Variants in ULK4 observed in about 807,000 individuals in gnomAD.
ULK4 encodes inactive serine/threonine-protein kinase ULK4.
In ULK4, 133 loss-of-function variants were observed where a neutral mutation model predicts 160.6. That is an observed-to-expected ratio of 0.83 (90% confidence interval 0.72 to 0.96). The LOEUF is 0.96. ULK4 is among the 40% of genes least tolerant of loss of function. ULK4 has a pLI of 0.00. For synonymous variants in ULK4, 534 were observed against 539.8 expected, an observed-to-expected ratio of 0.99 and a Z score of 0.15; for missense variants, 1,580 against 1,499.5, an observed-to-expected ratio of 1.05 and a Z score of -0.89.
intron 35 of ULK4, among the ~76,000 whole-genome samples, chr3:41,361,139 C>A (rs1485232221): frequency 6.6e-6 from 1 of 151,970 alleles, no homozygotes; most frequent in Admixed American, 6.6e-5. Context: ...GGAGTTGGCC[C>A]CTCCAGTAAG....
chr3:41,456,655 G>A (rs1575247306), intron 33 of ULK4, among the ~76,000 whole-genome samples: 1 of 152,254 alleles, frequency 6.6e-6, no homozygotes, highest in South Asian at 2.1e-4. Flanking sequence ...TTAAAAAATG[G>A]TATGGATTAT....
At chr3:41,247,052 C>T (rs902415646) in intron 36 of ULK4, 60 bp from the exon 37 acceptor site, 9 of 1,541,528 alleles carry the variant, frequency 5.8e-6, no homozygotes, top group Admixed American at 1.8e-5. Context: ...AGTGCTCCCC[C>T]CTTTCAAAGG....
intron 35 of ULK4, among the ~76,000 whole-genome samples, chr3:41,290,961 C>A (rs552429801): frequency 5.9e-5 from 9 of 152,302 alleles, no homozygotes; most frequent in East Asian, 5.8e-4. Context: ...CAGGCAGTTG[C>A]CTGGGAATTA....
intron 34 of ULK4, among the ~76,000 whole-genome samples, chr3:41,411,273 A>G (rs1189244805): frequency 1.3e-5 from 2 of 152,026 alleles, no homozygotes; most frequent in Non-Finnish European, 2.9e-5. Flanking sequence ...GCCTCATTAT[A>G]CCTCCAGCAT....
chr3:41,724,450 C>T lies in ULK4; in HGVS notation c.2322-6589G>A, dbSNP rs916614436. Reference sequence around the variant, plus strand: ...TAAGAATTCCAGTTTTTCAGCCAGGCGCGGTGGCTCACATCTGTAATCCCA... The same window carrying T: ...TAAGAATTCCAGTTTTTCAGCCAGGTGCGGTGGCTCACATCTGTAATCCCA... On this transcript the variant is annotated intron_variant, in intron 22 of 36. Coordinates refer to ENST00000301831, the MANE Select transcript of ULK4 (RefSeq NM_017886.4). Among the ~76,000 whole-genome samples the T allele has an allele frequency of 3.9e-5, 6 of 152,166 alleles. No homozygotes were observed. The East Asian group carries it at 1.2e-3, about 29-fold the overall frequency.
chr3:41,809,403 C>T (rs985868335), intron 19 of ULK4, among the ~76,000 whole-genome samples: 13 of 151,804 alleles, frequency 8.6e-5, no homozygotes, highest in African/African-American at 2.2e-4. Context: ...TACCTTGAAG[C>T]GCTTAGAGGA....
At chr3:41,375,443 T>C (rs1388464343) in intron 35 of ULK4, among the ~76,000 whole-genome samples, 1 of 149,802 alleles carries the variant, frequency 6.7e-6, no homozygotes, top group Non-Finnish European at 1.5e-5. Context: ...TATAGACCAA[T>C]GGAACAGAAC....
intron 31 of ULK4, among the ~76,000 whole-genome samples, chr3:41,585,723 GAA>G (rs909065970): frequency 6.6e-6 from 1 of 152,084 alleles, no homozygotes; most frequent in Non-Finnish European, 1.5e-5. Flanking sequence ...TCAACAGAGA[GAA>G]AAGACAACCT....
chr3:41,938,816 G>A (rs957412143), intron 2 of ULK4, among the ~76,000 whole-genome samples: 11 of 152,188 alleles, frequency 7.2e-5, no homozygotes, highest in African/African-American at 2.7e-4. Context: ...ACCGTTATTG[G>A]TGAAACTGCT....
chr3:41,485,973 A>C (rs187372097), intron 32 of ULK4, among the ~76,000 whole-genome samples: 191 of 152,302 alleles, frequency 1.3e-3, no homozygotes, highest in African/African-American at 4.2e-3. Context: ...ACCTCCTTGC[A>C]CTTGATCTCC....
At chr3:41,944,394 C>T (rs1700052291) in intron 2 of ULK4, among the ~76,000 whole-genome samples, 1 of 152,164 alleles carries the variant, frequency 6.6e-6, no homozygotes, top group Admixed American at 6.5e-5. Context: ...GAGCTGAAAT[C>T]ATGCCACTGT....
intron 35 of ULK4, among the ~76,000 whole-genome samples, chr3:41,332,926 G>A (rs554880663): frequency 7.9e-5 from 12 of 152,216 alleles, no homozygotes; most frequent in South Asian, 2.1e-4. Flanking sequence ...CTGTTTCTGC[G>A]TTTAACCAAC....
Position 41,613,944 on chromosome 3 carries a change from C to A in ULK4, c.3120+1725G>T, listed in dbSNP as rs181253768. Among the ~76,000 whole-genome samples, 165 of 152,332 alleles carry A rather than the reference C, an allele frequency of 1.1e-3. 1 individual carries two copies. Among genetic ancestry groups the A allele is most frequent in the African/African-American group, 3.8e-3 (159 of 41,590 alleles). ...TCTGGAGGGTAGATGTCACCTTCTA[C>A]CCATTCCCTATGACAGCTATACCAC... is the stretch of plus-strand genomic sequence containing the variant. On this transcript the variant is annotated intron_variant, in intron 31 of 36. Transcript: ENST00000301831.
At chr3:41,754,219 G>T in intron 22 of ULK4, 142 bp downstream of exon 22, 1 of 924,298 alleles carries the variant, frequency 1.1e-6, no homozygotes, top group Non-Finnish European at 1.6e-6. Context: ...TCCAAGCTGA[G>T]ATTACAGGTG....
At chr3:41,779,675 A>G (rs1237481035) in intron 21 of ULK4, among the ~76,000 whole-genome samples, 3 of 23,860 alleles carry the variant, frequency 1.3e-4, no homozygotes, top group South Asian at 2.9e-3. Flanking sequence ...ATGAGTTCAT[A>G]TCCTTTGTAG....
chr3:41,410,740 T>C (rs956898732), intron 34 of ULK4, among the ~76,000 whole-genome samples: 6 of 152,224 alleles, frequency 3.9e-5, no homozygotes, highest in African/African-American at 1.4e-4. Flanking sequence ...TACTTTCTAA[T>C]TCATTCTCTG....
At chr3:41,655,673 C>T (rs935897637) in intron 30 of ULK4, among the ~76,000 whole-genome samples, 2 of 152,002 alleles carry the variant, frequency 1.3e-5, no homozygotes, top group Non-Finnish European at 2.9e-5. Flanking sequence ...CAACAGTGCT[C>T]TATAGCCTGG....
At chr3:41,329,562 G>A (rs2080403173) in intron 35 of ULK4, among the ~76,000 whole-genome samples, 1 of 151,522 alleles carries the variant, frequency 6.6e-6, no homozygotes, top group South Asian at 2.1e-4. Flanking sequence ...ATTTTGTTAC[G>A]TTTGAAAGAA....
chr3:41,889,743 C>A (rs1697850485), intron 16 of ULK4, among the ~76,000 whole-genome samples: 1 of 152,184 alleles, frequency 6.6e-6, no homozygotes, highest in South Asian at 2.1e-4. Context: ...ACAGAGTTAT[C>A]ATTTTATCCA....
Sources: allele counts gnomAD v4.1 joint callset (sites outside exome capture counted in the v4.1 genomes callset), GRCh38; gene constraint gnomAD v4.1.1; transcripts MANE v1.5; gene names NCBI Gene and HGNC (gene_info 2026-07-23, HGNC 2026-07-21).